MARCHF1: variants seen among roughly 807,000 people sequenced by gnomAD.
The protein encoded by MARCHF1 is membrane associated ring-CH-type finger 1.
A neutral mutation model predicts 54.2 loss-of-function variants in MARCHF1; 40 were observed. The ratio of observed to expected loss-of-function variants is 0.74; its 90% CI spans 0.57 to 0.96. The LOEUF is 0.96. Ranked by LOEUF, MARCHF1 falls within the 40% of genes least tolerant of loss-of-function variation. The probability of loss-of-function intolerance (pLI) is 0.00; values close to 1 mark genes in which losing one functional copy is unlikely to be tolerated. For missense variants in MARCHF1, 586 were observed against 656.5 expected (o/e 0.89, Z 1.17); for synonymous variants, 236 against 236.3 (o/e 1.00, Z 0.01).
intron 4 of MARCHF1, among the ~76,000 whole-genome samples, chr4:163,753,215 A>T (rs1440256422): frequency 6.6e-6 from 1 of 152,140 alleles, no homozygotes; most frequent in African/African-American, 2.4e-5. Flanking sequence ...TTAGTTATTT[A>T]ATGTTCCAGG....
chr4:164,056,573 A>C (rs1358723000), intron 2 of MARCHF1, among the ~76,000 whole-genome samples: 1 of 152,140 alleles, frequency 6.6e-6, no homozygotes, highest in Non-Finnish European at 1.5e-5. Flanking sequence ...CCATCCTAAA[A>C]ATGTTAGTAT....
intron 5 of MARCHF1, among the ~76,000 whole-genome samples, chr4:163,649,115 G>T (rs1202765046): frequency 6.6e-6 from 1 of 151,832 alleles, no homozygotes; most frequent in Non-Finnish European, 1.5e-5. Flanking sequence ...CTTTATTTCT[G>T]GTGAATTAGG....
chr4:164,255,588 A>T (rs1733257258), intron 1 of MARCHF1, among the ~76,000 whole-genome samples: 1 of 152,100 alleles, frequency 6.6e-6, no homozygotes, highest in Non-Finnish European at 1.5e-5. Context: ...ATCAAGTGGC[A>T]CAATCATGTT....
chr4:164,179,815 A>G (rs1004374965), intron 1 of MARCHF1, among the ~76,000 whole-genome samples: 20 of 151,870 alleles, frequency 1.3e-4, no homozygotes, highest in African/African-American at 4.8e-4. Context: ...TAGATGATCT[A>G]TAACCTACAG....
chr4:164,094,223 T>G (rs1360379413), intron 2 of MARCHF1, among the ~76,000 whole-genome samples: 1 of 152,124 alleles, frequency 6.6e-6, no homozygotes, highest in Non-Finnish European at 1.5e-5. Context: ...TAATTTAAAC[T>G]CTAATCCTCT....
At chr4:163,623,701 CTAAT>C (rs1741765736) in intron 5 of MARCHF1, among the ~76,000 whole-genome samples, 1 of 152,182 alleles carries the variant, frequency 6.6e-6, no homozygotes, top group Non-Finnish European at 1.5e-5. Context: ...ATGGAAGTAA[CTAAT>C]TACTAAACTC....
chr4:164,266,996 A>G (rs1733626753), intron 1 of MARCHF1, among the ~76,000 whole-genome samples: 1 of 152,216 alleles, frequency 6.6e-6, no homozygotes, highest in South Asian at 2.1e-4. Flanking sequence ...GTGGGGTGAC[A>G]TGATGTCTAC....
At chr4:163,799,632 T>C (rs12504943) in intron 4 of MARCHF1, among the ~76,000 whole-genome samples, 126,101 of 152,042 alleles carry the variant, frequency 0.83, 53,116 homozygotes, top group East Asian at 0.94. Context: ...CTTCAAAACA[T>C]ACAATATCTT....
At chr4:163,620,598 C>A (rs890141813) in intron 5 of MARCHF1, among the ~76,000 whole-genome samples, 1 of 82,844 alleles carries the variant, frequency 1.2e-5, no homozygotes, top group Admixed American at 1.4e-4. Context: ...CACACACACA[C>A]ACACACACAG....
chr4:164,135,233 T>C (rs964844013), intron 1 of MARCHF1, among the ~76,000 whole-genome samples: 1 of 152,244 alleles, frequency 6.6e-6, no homozygotes, highest in Non-Finnish European at 1.5e-5. Flanking sequence ...AAGTACATTA[T>C]ATACAGAATT....
chr4:164,274,037 ATT>A (rs34653440), intron 1 of MARCHF1, among the ~76,000 whole-genome samples: 18 of 149,904 alleles, frequency 1.2e-4, no homozygotes, highest in East Asian at 3.9e-4. Flanking sequence ...CAAAATCACT[ATT>A]TTTTTTTTTG....
In MARCHF1 at chr4:164,076,589, G is replaced by C. The variant is rs1051396846; in HGVS notation, c.-248+34999C>G. Among the ~76,000 whole-genome samples the C allele has an allele frequency of 5.5e-4, 83 of 152,160 alleles. 1 individual carries two copies. Among genetic ancestry groups the C allele is most frequent in the Non-Finnish European group, 8.8e-5 (6 of 68,028 alleles). On this transcript the variant is annotated intron_variant, in intron 2 of 9. Transcript: ENST00000514618. ...AAAGGGCATTCAAACAGGAAGAGAG[G>C]AAGTCAAATTGTCTCTGCAGAGGAC...
intron 1 of MARCHF1, among the ~76,000 whole-genome samples, chr4:164,328,522 G>C (rs1735342060): frequency 6.6e-6 from 1 of 151,904 alleles, no homozygotes; most frequent in Non-Finnish European, 1.5e-5. Flanking sequence ...AGTGTATCGA[G>C]TCATATGAAA....
chr4:163,886,372 G>T (rs1579366108), intron 3 of MARCHF1, among the ~76,000 whole-genome samples: 1 of 151,664 alleles, frequency 6.6e-6, no homozygotes, highest in East Asian at 1.9e-4. Context: ...GATATAGACA[G>T]ATAGAGGTAC....
chr4:163,650,376 G>T (rs1742922343), intron 5 of MARCHF1, among the ~76,000 whole-genome samples: 1 of 151,924 alleles, frequency 6.6e-6, no homozygotes, highest in Non-Finnish European at 1.5e-5. Flanking sequence ...TTTGTGGCAG[G>T]ACTTTGGAGT....
intron 1 of MARCHF1, among the ~76,000 whole-genome samples, chr4:164,140,226 A>T (rs896647284): frequency 3.1e-5 from 3 of 96,494 alleles, no homozygotes; most frequent in Non-Finnish European, 4.5e-5. Context: ...CTATATATAC[A>T]CATACACACA....
chr4:163,529,235 C>T (rs983517358), intron 9 of MARCHF1, among the ~76,000 whole-genome samples, 189 bp from the exon 10 acceptor site: 4 of 152,118 alleles, frequency 2.6e-5, no homozygotes, highest in East Asian at 1.9e-4. Context: ...GAGTATCCTA[C>T]ATGTACTGTC....
intron 5 of MARCHF1, among the ~76,000 whole-genome samples, chr4:163,666,632 G>T (rs1390648919): frequency 1.3e-5 from 2 of 151,950 alleles, no homozygotes; most frequent in East Asian, 3.9e-4. Context: ...CATTTATCAT[G>T]GTCTTCATTG....
intron 4 of MARCHF1, among the ~76,000 whole-genome samples, chr4:163,833,339 A>C: frequency 6.6e-6 from 1 of 152,176 alleles, no homozygotes. Context: ...ACCAAAAGCA[A>C]TGGCAACAAA....
Sources: allele counts gnomAD v4.1 joint callset (sites outside exome capture counted in the v4.1 genomes callset), GRCh38; gene constraint gnomAD v4.1.1; transcripts MANE v1.5; gene names NCBI Gene and HGNC (gene_info 2026-07-23, HGNC 2026-07-21).